ZFR2: variants seen among roughly 807,000 people sequenced by gnomAD.
ZFR2 encodes the protein zinc finger RNA-binding protein 2.
In ZFR2, 104 loss-of-function variants were observed where a neutral mutation model predicts 105.7. The observed-to-expected ratio is 0.98, with a 90% confidence interval of 0.84 to 1.16. The LOEUF is 1.16. Ranked by LOEUF, ZFR2 falls within the 50% of genes most tolerant of loss-of-function variation. The pLI is 0.00. For missense variants in ZFR2, 1,425 were observed against 1,355.5 expected (o/e 1.05, Z -0.80); for synonymous variants, 634 against 597.7 (o/e 1.06, Z -0.89).
intron 1 of ZFR2, among the ~76,000 whole-genome samples, chr19:3,860,849 C>A (rs1036455034): frequency 9.9e-5 from 15 of 152,146 alleles, no homozygotes; most frequent in African/African-American, 3.6e-4. Context: ...AACGGAACGA[C>A]CTGCAGAGCC....
intron 3 of ZFR2, 32 bp downstream of exon 3, chr19:3,833,632 C>T (rs764019628): frequency 1.4e-5 from 21 of 1,508,894 alleles, no homozygotes; most frequent in African/African-American, 4.2e-5. Flanking sequence ...AGCGTCTCCT[C>T]GTTCCCAGCC....
chr19:3,809,320 C>T (rs972839146), intron 16 of ZFR2, among the ~76,000 whole-genome samples: 6 of 152,190 alleles, frequency 3.9e-5, no homozygotes, highest in Non-Finnish European at 8.8e-5. Context: ...TTCTTCACCC[C>T]TCTGAGCCTC....
chr19:3,848,254 A>G (rs1274847192), intron 1 of ZFR2, among the ~76,000 whole-genome samples: 1 of 152,178 alleles, frequency 6.6e-6, no homozygotes, highest in East Asian at 1.9e-4. Flanking sequence ...TCTGCTAAAA[A>G]TGCAAAAATT....
At chr19:3,831,000 C>T (rs2145158278) in intron 5 of ZFR2, among the ~76,000 whole-genome samples, 1 of 152,060 alleles carries the variant, frequency 6.6e-6, no homozygotes, top group Non-Finnish European at 1.5e-5. Context: ...CGCTTGCACA[C>T]ACAGGCACAT....
rs781419739 is a variant in ZFR2, at chr19:3,822,218, C to A, written c.1372-18G>T. On this transcript the variant is annotated intron_variant, in intron 8 of 18. Transcript: ENST00000262961. ...CTGAACACCTGAGACACAGAACAGC[C>A]GCACGCGCACCAGGCACGAGGCGGG... is the stretch of plus-strand genomic sequence containing the variant. 1.9e-6 allele frequency: 3 copies of A among 1,565,994 alleles called. No individual in the cohort carries two copies. Among genetic ancestry groups the A allele is most frequent in the East Asian group, 4.8e-5 (2 of 41,948 alleles).
intron 1 of ZFR2, chr19:3,855,562 G>T: frequency 1.4e-6 from 1 of 738,852 alleles, no homozygotes; most frequent in Non-Finnish European, 1.9e-6. Context: ...GGAGGGTGCT[G>T]CGCGATAGTC....
chr19:3,844,122 G>A (rs1038104833), intron 1 of ZFR2, among the ~76,000 whole-genome samples: 12 of 152,144 alleles, frequency 7.9e-5, no homozygotes, highest in South Asian at 2.1e-4. Flanking sequence ...TGGTGGTGAC[G>A]GCTCCCCAAC....
intron 1 of ZFR2, among the ~76,000 whole-genome samples, chr19:3,847,584 A>G (rs180813115): frequency 6.6e-5 from 10 of 152,320 alleles, no homozygotes; most frequent in Admixed American, 4.6e-4. Flanking sequence ...ATCATATAGC[A>G]TAACTTCTGC....
rs1489176836 is a variant in ZFR2 at position 3,819,140 on chromosome 19, C to T, written c.1836G>A (p.Arg612=). 1 of 1,609,476 alleles carries T rather than the reference C, an allele frequency of 6.2e-7. No homozygotes were observed. The highest frequency in any genetic ancestry group is 1.1e-5 in the South Asian group (1 of 90,930). Reference sequence around the variant, plus strand: ...GGGCCCGCTCTGCGTGGGACACGGCCCTCTGCACGGCCAGGAGCTCCTGCT... The same window carrying T: ...GGGCCCGCTCTGCGTGGGACACGGCTCTCTGCACGGCCAGGAGCTCCTGCT... ...PTEQELLAVQ[R]AVSHAERALK... Residue 612 remains arginine, a synonymous_variant, in exon 12 of 19, where the codon AGG becomes AGA. Coordinates refer to ENST00000262961, the MANE Select transcript of ZFR2 (RefSeq NM_015174.2).
chr19:3,832,630 T>TG (rs1332894536), intron 3 of ZFR2, among the ~76,000 whole-genome samples: 5 of 148,568 alleles, frequency 3.4e-5, no homozygotes, highest in Non-Finnish European at 7.4e-5. Context: ...TTTATTTTGT[T>TG]TTTTTTTTTT....
intron 1 of ZFR2, among the ~76,000 whole-genome samples, chr19:3,863,496 T>C (rs992904294): frequency 6.6e-5 from 10 of 152,154 alleles, no homozygotes; most frequent in Non-Finnish European, 1.5e-4. Context: ...GGTGCGATCA[T>C]AGCTCAATGT....
At chr19:3,845,468 A>G (rs1047652449) in intron 1 of ZFR2, among the ~76,000 whole-genome samples, 5 of 151,274 alleles carry the variant, frequency 3.3e-5, no homozygotes, top group African/African-American at 1.2e-4. Context: ...TTAAAGAAGA[A>G]AATTTCAAAA....
intron 1 of ZFR2, among the ~76,000 whole-genome samples, chr19:3,865,917 C>T (rs2038422024): frequency 6.6e-6 from 1 of 152,154 alleles, no homozygotes; most frequent in Non-Finnish European, 1.5e-5. Context: ...TCTCAGCTCA[C>T]AGCAACCTCC....
chr19:3,855,438 G>A (rs1362212422), intron 1 of ZFR2: 5 of 1,231,574 alleles, frequency 4.1e-6, no homozygotes, highest in Non-Finnish European at 5.1e-6. Context: ...GCGATCCGGC[G>A]GCAGATTCAT....
intron 1 of ZFR2, chr19:3,855,259 A>G: frequency 2.7e-6 from 2 of 741,634 alleles, no homozygotes; most frequent in Non-Finnish European, 3.7e-6. Context: ...AGCATGGAAA[A>G]TCATTTGCAT....
chr19:3,867,579 C>T (rs187912715), intron 1 of ZFR2, among the ~76,000 whole-genome samples: 49 of 152,028 alleles, frequency 3.2e-4, no homozygotes, highest in African/African-American at 1.1e-3. Context: ...CCCTCCCAAA[C>T]GACCACATAT....
In ZFR2 at chr19:3,831,754, G is replaced by A. The variant is rs749095590; in HGVS notation, c.504C>T (p.Tyr168=). The change falls in exon 4 of 19, where the codon TAC becomes TAT. Residue 168 remains tyrosine, a synonymous_variant. Coordinates refer to ENST00000262961, the MANE Select transcript of ZFR2 (RefSeq NM_015174.2). ...CGGGCTGGACGCCTGTCGCCGTGGG[G>A]TAGGTGTATCCCGAGGACAAGGTGC... is the stretch of plus-strand genomic sequence containing the variant. ...PASTLSSGYT[Y]PTATGVQPES... is the part of the protein sequence containing the mutation. 3.1e-6 allele frequency: 5 copies of A among 1,609,502 alleles called. No individual in the cohort carries two copies. Among genetic ancestry groups the A allele is most frequent in the African/African-American group, 1.3e-5 (1 of 74,960 alleles).
chr19:3,867,570 C>T (rs1040359476), intron 1 of ZFR2, among the ~76,000 whole-genome samples: 7 of 151,958 alleles, frequency 4.6e-5, no homozygotes, highest in African/African-American at 1.5e-4. Context: ...CTCTCCCTCC[C>T]CTCCCAAACG....
At chr19:3,862,285 T>C (rs563250215) in intron 1 of ZFR2, among the ~76,000 whole-genome samples, 4 of 152,304 alleles carry the variant, frequency 2.6e-5, no homozygotes, top group African/African-American at 9.6e-5. Context: ...TGCCCCAGTA[T>C]GTATGAACTA....
Sources: gnomAD v4.1 joint callset for allele counts (sites outside exome capture counted in the v4.1 genomes callset) on GRCh38, gnomAD v4.1.1 for gene constraint, MANE v1.5 for transcripts, NCBI Gene and HGNC (gene_info 2026-07-23, HGNC 2026-07-21) for gene names.